Variants in CPNE4 observed in about 807,000 individuals in gnomAD.
The protein encoded by CPNE4 is copine-4.
Under a neutral mutation model 67.9 loss-of-function variants are expected in CPNE4, and 25 were observed. That is an observed-to-expected ratio of 0.37 (90% confidence interval 0.27 to 0.51). The LOEUF (loss-of-function observed/expected upper bound fraction) is 0.51, where lower values mean the gene tolerates loss of function less well. Among genes scored for constraint, CPNE4 ranks in the 20% least tolerant of loss-of-function variants. The pLI, the probability that CPNE4 is intolerant of heterozygous loss-of-function variation, is 0.93. For synonymous variants in CPNE4, 242 were observed against 244.9 expected, an observed-to-expected ratio of 0.99 and a Z score of 0.11; for missense variants, 464 against 690.8, an observed-to-expected ratio of 0.67 and a Z score of 3.68.
At chr3:131,850,197 GATTTTTAAA>G (rs2086181708) in intron 2 of CPNE4, among the ~76,000 whole-genome samples, 1 of 151,938 alleles carries the variant, frequency 6.6e-6, no homozygotes. Context: ...ATGTTAACTA[GATTTTTAAA>G]ATAGTGCCTT....
At chr3:131,825,210 A>G (rs1326739306) in intron 2 of CPNE4, among the ~76,000 whole-genome samples, 1 of 152,018 alleles carries the variant, frequency 6.6e-6, no homozygotes, top group Non-Finnish European at 1.5e-5. Flanking sequence ...AAAAGTGGTA[A>G]TTTCTGGCCG....
intron 2 of CPNE4, among the ~76,000 whole-genome samples, chr3:131,897,228 G>C (rs1246900766): frequency 6.6e-6 from 1 of 152,028 alleles, no homozygotes; most frequent in Non-Finnish European, 1.5e-5. Context: ...GAGACACAAA[G>C]ATCTGAGTTC....
intron 1 of CPNE4, among the ~76,000 whole-genome samples, chr3:131,981,666 G>A (rs190613438): frequency 2.1e-4 from 32 of 152,278 alleles, no homozygotes; most frequent in South Asian, 1.0e-3. Flanking sequence ...GCTTCTCCCC[G>A]TGTAGTTTTA....
intron 1 of CPNE4, among the ~76,000 whole-genome samples, chr3:131,950,833 G>T (rs1041453132): frequency 6.6e-6 from 1 of 152,046 alleles, no homozygotes; most frequent in African/African-American, 2.4e-5. Flanking sequence ...CCAACTTTTG[G>T]TATTACTATT....
chr3:131,932,738 G>T (rs57910380), intron 1 of CPNE4, among the ~76,000 whole-genome samples: 2,510 of 151,868 alleles, frequency 0.017, 63 homozygotes, highest in African/African-American at 0.058. Flanking sequence ...AAGCAGCCTG[G>T]CAAACACGGT....
At chr3:131,556,364 A>T (rs1215686797) in intron 11 of CPNE4, among the ~76,000 whole-genome samples, 2 of 152,070 alleles carry the variant, frequency 1.3e-5, no homozygotes, top group Non-Finnish European at 2.9e-5. Flanking sequence ...TAATAGACCA[A>T]GACTCTATCT....
intron 7 of CPNE4, among the ~76,000 whole-genome samples, chr3:131,662,633 C>T (rs1036643304): frequency 4.6e-5 from 7 of 151,994 alleles, no homozygotes; most frequent in African/African-American, 7.3e-5. Flanking sequence ...AAAAAACAAC[C>T]CCATCAAAAC....
chr3:131,782,336 T>G (rs945691287), intron 2 of CPNE4, among the ~76,000 whole-genome samples: 9 of 152,162 alleles, frequency 5.9e-5, no homozygotes, highest in Non-Finnish European at 1.2e-4. Flanking sequence ...ACATTTAATG[T>G]TCACTAGCAG....
At chr3:131,674,410 C>G (rs2080505991) in intron 6 of CPNE4, among the ~76,000 whole-genome samples, 1 of 151,562 alleles carries the variant, frequency 6.6e-6, no homozygotes, top group Admixed American at 6.6e-5. Context: ...AAAATTCTAC[C>G]AATATGTTTG....
rs1295679101 is a variant in CPNE4 at position 131,992,718 on chromosome 3, T to G, written c.-2+41849A>C. Among the ~76,000 whole-genome samples the G allele has an allele frequency of 1.5e-5, 2 of 135,996 alleles. 1 individual carries two copies. Among genetic ancestry groups the G allele is most frequent in the East Asian group, 4.7e-4 (2 of 4,240 alleles). The allele number at this position is 135,996 out of a possible 152,430, so 89.2% of individuals were successfully genotyped here. A position where few individuals can be genotyped will look rare whatever the true frequency, so the allele number is the denominator to read the frequency against. On this transcript the variant is annotated intron_variant, in intron 1 of 15. Transcript: ENST00000429747. ...GCTGTGTCCCCACCCAAATCTCATC[T>G]TAAATTGTAGTTCCCATAATCCCCA... is the stretch of plus-strand genomic sequence containing the variant.
intron 7 of CPNE4, among the ~76,000 whole-genome samples, chr3:131,597,758 G>A (rs1348943637): frequency 6.6e-6 from 1 of 152,052 alleles, no homozygotes; most frequent in Non-Finnish European, 1.5e-5. Context: ...CATGTTCTAA[G>A]CTTCTATGTA....
chr3:131,580,539 T>C (rs1937759713), intron 9 of CPNE4, among the ~76,000 whole-genome samples: 1 of 151,864 alleles, frequency 6.6e-6, no homozygotes. Flanking sequence ...TGGATAGCAA[T>C]TGAGTCCTGT....
At position 131,611,732 on chromosome 3, in the gene CPNE4, C is replaced by T. The variant is rs549091763; in HGVS notation, c.682-24150G>A. Among the ~76,000 whole-genome samples the T allele has an allele frequency of 7.2e-5, 11 of 151,860 alleles. No individual in the cohort carries two copies. The South Asian group carries it at 2.3e-3, about 32-fold the overall frequency. The stretch of plus-strand genomic sequence containing the variant: ...CAGCCCCTGCTTTCACTTAGACTTT[C>T]TTCTGACATTTGTATTTAAAACTAG... On this transcript the variant is annotated intron_variant, in intron 7 of 15. Transcript: ENST00000429747.
At chr3:131,581,017 G>GA (rs1299507726) in intron 9 of CPNE4, among the ~76,000 whole-genome samples, 6 of 151,842 alleles carry the variant, frequency 4.0e-5, no homozygotes, top group African/African-American at 1.5e-4. Flanking sequence ...ACTAAAAATA[G>GA]AAAAAATTAG....
chr3:131,549,203 A>G (rs957260581), intron 14 of CPNE4, among the ~76,000 whole-genome samples: 2 of 152,180 alleles, frequency 1.3e-5, no homozygotes, highest in African/African-American at 4.8e-5. Context: ...ACATGAAGAC[A>G]GTGCAAGAAG....
At chr3:131,792,844 T>C (rs1002871123) in intron 2 of CPNE4, among the ~76,000 whole-genome samples, 2 of 148,528 alleles carry the variant, frequency 1.3e-5, no homozygotes, top group African/African-American at 2.5e-5. Flanking sequence ...CGTGTGTGTA[T>C]ATACATACAT....
intron 11 of CPNE4, among the ~76,000 whole-genome samples, chr3:131,557,013 G>A: frequency 6.6e-6 from 1 of 152,068 alleles, no homozygotes; most frequent in Non-Finnish European, 1.5e-5. Flanking sequence ...TTACCAAGGA[G>A]AATTGTGTGA....
At position 131,696,588 on chromosome 3, in the gene CPNE4, T is replaced by C. The variant is rs747484239; in HGVS notation, c.461A>G (p.Asp154Gly). The C allele has an allele frequency of 5.0e-6, 8 of 1,614,048 alleles. No individual in the cohort carries two copies. The South Asian group carries it at 8.8e-5, about 18-fold the overall frequency. Residue 154 changes from aspartate to glycine, a missense_variant, in exon 5 of 16, where the codon GAC (aspartate) becomes GGC (glycine). Coordinates refer to ENST00000429747, the MANE Select transcript of CPNE4 (RefSeq NM_130808.3). ...ATTGAATGCAAGCTCAACATAGTCG[T>C]CATTGCCAGATAATTCTTCAGCAAT... ...TVIAEELSGNDDYVELAFNAR... is the reference protein window; with the variant it reads ...TVIAEELSGNGDYVELAFNAR...
At chr3:131,625,356 C>T (rs2079048126) in intron 7 of CPNE4, among the ~76,000 whole-genome samples, 1 of 152,038 alleles carries the variant, frequency 6.6e-6, no homozygotes, top group South Asian at 2.1e-4. Context: ...GGCTTGAAGT[C>T]ATTATTGATT....
Sources: allele counts gnomAD v4.1 joint callset (sites outside exome capture counted in the v4.1 genomes callset), GRCh38; gene constraint gnomAD v4.1.1; transcripts MANE v1.5; gene names NCBI Gene and HGNC (gene_info 2026-07-23, HGNC 2026-07-21).